Variants in NEK10 observed in about 807,000 individuals in gnomAD.
NEK10 encodes serine/threonine-protein kinase Nek10.
A neutral mutation model predicts 159.8 loss-of-function variants in NEK10; 122 were observed. The observed-to-expected ratio is 0.76, with a 90% CI of 0.66 to 0.89. The LOEUF is 0.89. Among genes scored for constraint, NEK10 ranks in the 40% least tolerant of loss-of-function variants. The probability of loss-of-function intolerance (pLI) is 0.00; values close to 1 mark genes in which losing one functional copy is unlikely to be tolerated. For synonymous variants in NEK10, 466 were observed against 457.1 expected, an observed-to-expected ratio of 1.02 and a Z score of -0.25; for missense variants, 1,342 against 1,323.1, an observed-to-expected ratio of 1.01 and a Z score of -0.22.
intron 5 of NEK10, among the ~76,000 whole-genome samples, chr3:27,335,673 C>T (rs1009807804): frequency 1.3e-5 from 2 of 152,216 alleles, no homozygotes; most frequent in East Asian, 3.9e-4. Flanking sequence ...CTTCTCAGAG[C>T]AGAATGGAAT....
chr3:27,363,269 G>T (rs766842703), intron 1 of NEK10, among the ~76,000 whole-genome samples: 1 of 152,198 alleles, frequency 6.6e-6, no homozygotes, highest in Non-Finnish European at 1.5e-5. Context: ...GCATTGCCTT[G>T]CAGCTTTTGA....
In NEK10 at chr3:27,109,604, C is replaced by T. The variant is rs532453928; in HGVS notation, c.*1668G>A. On this transcript the variant is annotated 3_prime_UTR_variant, in exon 36 of 36. Coordinates refer to ENST00000691995, the MANE Select transcript of NEK10 (RefSeq NM_001394966.1). ...TCACCCCACAATTAGAATTTGTGCC[C>T]CTCCAGGTCTGTGCTTCCTGCATGA... 2.0e-5 allele frequency among the ~76,000 whole-genome samples: 3 copies of T among 152,238 alleles called. No homozygotes were observed. In the East Asian group the frequency reaches 5.8e-4, roughly 29 times the overall value.
intron 23 of NEK10, among the ~76,000 whole-genome samples, chr3:27,203,532 C>T (rs1950223316): frequency 6.6e-6 from 1 of 151,952 alleles, no homozygotes; most frequent in Admixed American, 6.6e-5. Flanking sequence ...GAAGCTTCCT[C>T]TAACATATAT....
chr3:27,308,057 G>A, intron 10 of NEK10, 112 bp from the exon 11 acceptor site: 1 of 607,082 alleles, frequency 1.6e-6, no homozygotes, highest in South Asian at 2.0e-5. Context: ...GATTTATAAA[G>A]GAAAGAGGTT....
At chr3:27,302,997 A>T (rs1233731992) in intron 12 of NEK10, among the ~76,000 whole-genome samples, 2 of 151,954 alleles carry the variant, frequency 1.3e-5, no homozygotes, top group African/African-American at 4.8e-5. Flanking sequence ...TGTTCTTCAT[A>T]CTCCAGCCAC....
chr3:27,242,088 T>C (rs1954616496), intron 23 of NEK10, among the ~76,000 whole-genome samples: 1 of 152,212 alleles, frequency 6.6e-6, no homozygotes, highest in Non-Finnish European at 1.5e-5. Context: ...TATAGGGACA[T>C]GCATACTAGA....
chr3:27,160,360 C>G (rs530066510), intron 30 of NEK10, among the ~76,000 whole-genome samples: 9 of 152,164 alleles, frequency 5.9e-5, no homozygotes, highest in Non-Finnish European at 1.0e-4. Flanking sequence ...GTGAATGGCA[C>G]TGGCACCAGC....
chr3:27,141,694 A>G (rs1943799677), intron 30 of NEK10, 112 bp from the exon 31 acceptor site: 1 of 692,798 alleles, frequency 1.4e-6, no homozygotes, highest in East Asian at 2.6e-5. Flanking sequence ...CACCTTATCA[A>G]TGAGACAATA....
At chr3:27,235,525 G>A (rs1246924691) in intron 23 of NEK10, among the ~76,000 whole-genome samples, 1 of 152,084 alleles carries the variant, frequency 6.6e-6, no homozygotes, top group East Asian at 1.9e-4. Context: ...CAACATTACT[G>A]ATTATTAGAG....
chr3:27,313,836 C>A (rs572018561), intron 7 of NEK10, among the ~76,000 whole-genome samples: 3 of 152,020 alleles, frequency 2.0e-5, no homozygotes, highest in South Asian at 2.1e-4. Context: ...CTCAGCCTCC[C>A]GAGTAGCTGG....
chr3:27,287,983 T>C (rs1559435053), intron 19 of NEK10, among the ~76,000 whole-genome samples: 1 of 152,218 alleles, frequency 6.6e-6, no homozygotes, highest in Non-Finnish European at 1.5e-5. Flanking sequence ...AAAAACGTTC[T>C]ATCACCTAAC....
At chr3:27,142,308 A>G (rs1323089956) in intron 30 of NEK10, among the ~76,000 whole-genome samples, 4 of 151,880 alleles carry the variant, frequency 2.6e-5, no homozygotes, top group Non-Finnish European at 5.9e-5. Context: ...TAAAGGAATG[A>G]CTCTTTTCTC....
intron 23 of NEK10, among the ~76,000 whole-genome samples, chr3:27,204,308 T>TGG (rs1950318777): frequency 7.4e-6 from 1 of 135,036 alleles, no homozygotes; most frequent in Non-Finnish European, 1.6e-5. Flanking sequence ...GTTGTTTTTT[T>TGG]TTTTTTTTTT....
intron 25 of NEK10, among the ~76,000 whole-genome samples, chr3:27,197,424 C>T (rs1324312573): frequency 6.6e-6 from 1 of 152,150 alleles, no homozygotes; most frequent in Non-Finnish European, 1.5e-5. Flanking sequence ...GATCTGCCTG[C>T]CTCAGCCTCC....
At chr3:27,155,859 C>T (rs28814577) in intron 30 of NEK10, among the ~76,000 whole-genome samples, 24,564 of 152,072 alleles carry the variant, frequency 0.16, 2,044 homozygotes, top group Middle Eastern at 0.19. Flanking sequence ...AAGAACAAAT[C>T]TGGAGGCATC....
chr3:27,317,451 G>A (rs1358830133), intron 6 of NEK10, among the ~76,000 whole-genome samples: 2 of 152,126 alleles, frequency 1.3e-5, no homozygotes, highest in African/African-American at 4.8e-5. Flanking sequence ...CTAATGACTT[G>A]GAGAAAGTTC....
At chr3:27,352,090 GA>G (rs2048011729) in intron 3 of NEK10, among the ~76,000 whole-genome samples, 1 of 152,146 alleles carries the variant, frequency 6.6e-6, no homozygotes, top group Non-Finnish European at 1.5e-5. Flanking sequence ...GAGTAAGGGG[GA>G]AGGAGGAGAA....
chr3:27,338,501 G>A (rs1266195725), intron 5 of NEK10, among the ~76,000 whole-genome samples: 5 of 152,158 alleles, frequency 3.3e-5, no homozygotes, highest in African/African-American at 4.8e-5. Flanking sequence ...GATCCTAGAG[G>A]AATTGCCACA....
chr3:27,315,640 C>T (rs2045098181), intron 6 of NEK10, among the ~76,000 whole-genome samples: 1 of 151,620 alleles, frequency 6.6e-6, no homozygotes, highest in African/African-American at 2.4e-5. Context: ...TTTTCCATTC[C>T]ACCTATGTAA....
Sources: allele counts gnomAD v4.1 joint callset (sites outside exome capture counted in the v4.1 genomes callset), GRCh38; gene constraint gnomAD v4.1.1; transcripts MANE v1.5; gene names NCBI Gene and HGNC (gene_info 2026-07-23, HGNC 2026-07-21).